Variants in TLE5 observed in about 807,000 individuals in gnomAD.
TLE5 encodes TLE family member 5.
TLE5 carries 7 observed loss-of-function variants against 25.8 expected under a neutral mutation model. The ratio of observed to expected loss-of-function variants is 0.27; its 90% CI spans 0.15 to 0.51. TLE5 has a LOEUF of 0.51. TLE5 is among the 20% of genes least tolerant of loss of function. The pLI is 0.97. For missense variants in TLE5, 149 were observed against 250.7 expected (o/e 0.59, Z 2.74); for synonymous variants, 132 against 110.5 (o/e 1.20, Z -1.22).
At chr19:3,054,090 C>CT (rs2090197562) in intron 6 of TLE5, 30 bp downstream of exon 6, 1 of 769,130 alleles carries the variant, frequency 1.3e-6, no homozygotes, top group Non-Finnish European at 2.0e-6. Flanking sequence ...CACCTGTCCC[C>CT]CGCCCACCCG....
At chr19:3,062,866 CT>C, upstream of TLE5, 1 of 1,486,560 alleles carries the variant, frequency 6.7e-7, no homozygotes, top group Non-Finnish European at 9.2e-7. Flanking sequence ...CCTTAGTTTC[CT>C]TTTCTGCAGA....
At chr19:3,054,310 C>T in intron 5 of TLE5, 116 bp from the exon 6 acceptor site, 1 of 974,560 alleles carries the variant, frequency 1.0e-6, no homozygotes, top group South Asian at 1.4e-5. Flanking sequence ...ATCATGTCTG[C>T]TCCTCCCAGT....
At chr19:3,062,831 T>G, upstream of TLE5, 1 of 1,548,434 alleles carries the variant, frequency 6.5e-7, no homozygotes, top group Non-Finnish European at 8.7e-7. Context: ...ACCTTGGCTC[T>G]GGCTGGGCGG....
intron 2 of TLE5, 164 bp downstream of exon 2, chr19:3,060,996 T>TG (rs938331285): frequency 1.8e-6 from 1 of 541,588 alleles, no homozygotes; most frequent in Non-Finnish European, 3.3e-6. Context: ...CTCTACAAAA[T>TG]GGGGCTGTTT....
At position 3,062,167 on chromosome 19, in the gene TLE5, C is replaced by G. The variant is rs1415297307; in HGVS notation, c.27+7G>C. 1 of 1,163,628 alleles carries G rather than the reference C, an allele frequency of 8.6e-7. No homozygotes were observed. Among genetic ancestry groups the G allele is most frequent in the East Asian group, 3.9e-5 (1 of 25,742 alleles). 72.1% of individuals were successfully genotyped at this position (1,163,628 alleles called of 1,614,324 possible). On this transcript the variant is annotated splice_region_variant and intron_variant, in intron 1 of 6. Coordinates refer to ENST00000327141, the MANE Select transcript of TLE5 (RefSeq NM_001130.6). The stretch of plus-strand genomic sequence containing the variant: ...GTGGGGGCGCCGGCCGGACGGGCCC[C>G]GCTTACCGAATGCCTGCTTTGTGGA...
At chr19:3,055,373 C>G (rs1056291631) in intron 5 of TLE5, 1 of 282,030 alleles carries the variant, frequency 3.5e-6, no homozygotes, top group Non-Finnish European at 6.6e-6. Flanking sequence ...AAAAAACATT[C>G]CTGGTGCAGT....
At chr19:3,056,082 T>A in intron 4 of TLE5, 2 of 481,754 alleles carry the variant, frequency 4.2e-6, no homozygotes, top group South Asian at 2.8e-5. Context: ...TCTCTGCCCC[T>A]CCCCACCACC....
chr19:3,056,156 T>G (rs1206536235), intron 4 of TLE5, 156 bp downstream of exon 4: 25 of 390,290 alleles, frequency 6.4e-5, no homozygotes, highest in African/African-American at 2.6e-4. Context: ...AGCGGGAGCT[T>G]GGGGAGGGCT....
chr19:3,062,792 C>G (rs1568267505), upstream of TLE5: 1 of 1,550,270 alleles, frequency 6.5e-7, no homozygotes, highest in Non-Finnish European at 8.7e-7. Flanking sequence ...GTGGCACGAC[C>G]TGGACGCGTG....
upstream of TLE5, chr19:3,062,801 T>C (rs2090284036): frequency 6.5e-7 from 1 of 1,550,274 alleles, no homozygotes; most frequent in Middle Eastern, 1.7e-4. Context: ...CCTGGACGCG[T>C]GCCACGGACG....
At chr19:3,058,372 G>A (rs1036031945) in intron 2 of TLE5, among the ~76,000 whole-genome samples, 2 of 152,120 alleles carry the variant, frequency 1.3e-5, no homozygotes, top group African/African-American at 4.8e-5. Flanking sequence ...ACTGGCTCAA[G>A]GTCACACAGC....
At chr19:3,061,333 G>T in intron 1 of TLE5, 76 bp from the exon 2 acceptor site, 1 of 1,182,486 alleles carries the variant, frequency 8.5e-7, no homozygotes, top group Non-Finnish European at 1.2e-6. Context: ...GGAGGGAGCG[G>T]CCGCGCAGCT....
At chr19:3,057,986 C>T (rs1481674232) in intron 2 of TLE5, among the ~76,000 whole-genome samples, 1 of 152,026 alleles carries the variant, frequency 6.6e-6, no homozygotes, top group African/African-American at 2.4e-5. Context: ...TCCCAAAGTG[C>T]TTGGGGTTAC....
In TLE5 at chr19:3,060,713, C is replaced by T. The variant is rs919040683; in HGVS notation, c.125+447G>A. On this transcript the variant is annotated intron_variant, in intron 2 of 6. Transcript: ENST00000327141. ...CGCAGCGTGGCAAGCTCTTCAGAAA[C>T]GCCAGATTTCTGAAAGAAGCAGCAC... is the stretch of plus-strand genomic sequence containing the variant. Among the ~76,000 whole-genome samples the T allele has an allele frequency of 5.9e-5, 9 of 152,248 alleles. No individual in the cohort carries two copies. In the East Asian group the frequency reaches 1.4e-3, roughly 23 times the overall value.
Position 3,054,160 on chromosome 19 carries a change from G to T in TLE5, c.332C>A (p.Ala111Asp). The change falls in exon 6 of 7, where the codon GCC (alanine) becomes GAC (aspartate). Residue 111 changes from alanine (A) to aspartate (D), a missense_variant. Ala to Asp is a moderately radical substitution (Grantham distance 126). Coordinates refer to ENST00000327141, the MANE Select transcript of TLE5 (RefSeq NM_001130.6). ...CAGCTCGGGAGCGGTGACCTGCTTG[G>T]CCCTCTCAATGGCTCCCAAGACCTG... ...QQQVLGAIER[A>D]KQVTAPELNS... is the part of the protein sequence containing the mutation. 1.2e-6 allele frequency: 2 copies of T among 1,607,322 alleles called. No individual in the cohort carries two copies. The highest frequency in any genetic ancestry group is 1.7e-6 in the Non-Finnish European group (2 of 1,179,324).
chr19:3,053,731 C>T lies in TLE5; in HGVS notation c.*88G>A, dbSNP rs531348785. The T allele has an allele frequency of 5.7e-5, 82 of 1,429,806 alleles. No individual in the cohort carries two copies. The African/African-American group carries it at 6.0e-4, about 10-fold the overall frequency. The allele number at this position is 1,429,806 out of a possible 1,614,324, so 88.6% of individuals were successfully genotyped here. The stretch of plus-strand genomic sequence containing the variant: ...TGGGAGTTTAGCCAATCCCGAGCTC[C>T]GCTGTGTCTTGTGCTAAACATTCCT... On this transcript the variant is annotated 3_prime_UTR_variant, in exon 7 of 7. Transcript: ENST00000327141.
rs2090192793 is a variant in TLE5 at position 3,053,703 on chromosome 19, C to A, written c.*116G>T. ...CCCCCGCCGGCGGCCACCATAAATA[C>A]TATGGGAGTTTAGCCAATCCCGAGC... On this transcript the variant is annotated 3_prime_UTR_variant, in exon 7 of 7. Coordinates refer to ENST00000327141, the MANE Select transcript of TLE5 (RefSeq NM_001130.6). 1 of 1,234,546 alleles carries A rather than the reference C, an allele frequency of 8.1e-7. No homozygotes were observed. The highest frequency in any genetic ancestry group is 1.1e-6 in the Non-Finnish European group (1 of 896,398). 76.5% of individuals were successfully genotyped at this position (1,234,546 alleles called of 1,614,324 possible). A position where few individuals can be genotyped will look rare whatever the true frequency, so the allele number is the denominator to read the frequency against.
rs904890159 is a variant in TLE5 at position 3,058,674 on chromosome 19, T to G, written c.126-932A>C. Among the ~76,000 whole-genome samples the G allele has an allele frequency of 2.6e-5, 4 of 152,080 alleles. No homozygotes were observed. The East Asian group carries it at 7.7e-4, about 29-fold the overall frequency. On this transcript the variant is annotated intron_variant, in intron 2 of 6. Coordinates refer to ENST00000327141, the MANE Select transcript of TLE5 (RefSeq NM_001130.6). ...TTCCTACAGGCCCTCCCGGGAAGGA[T>G]GAGCTGTGGGGCGTTTCTCAAAGCC... is the stretch of plus-strand genomic sequence containing the variant.
chr19:3,057,885 A>T (rs1363401689), intron 2 of TLE5, 143 bp from the exon 3 acceptor site: 3 of 696,896 alleles, frequency 4.3e-6, no homozygotes, highest in East Asian at 2.9e-5. Flanking sequence ...TCAAGCAATA[A>T]TTTTTTTTTT....
Sources: gnomAD v4.1 joint callset for allele counts (sites outside exome capture counted in the v4.1 genomes callset) on GRCh38, gnomAD v4.1.1 for gene constraint, MANE v1.5 for transcripts, NCBI Gene and HGNC (gene_info 2026-07-23, HGNC 2026-07-21) for gene names.